GALNT18: variants seen among roughly 807,000 people sequenced by gnomAD.
The protein encoded by GALNT18 is GalNAc-transferase 18.
A neutral mutation model predicts 69.5 loss-of-function variants in GALNT18; 44 were observed. The ratio of observed to expected loss-of-function variants is 0.63; its 90% confidence interval spans 0.50 to 0.81. GALNT18 has a LOEUF of 0.81. Ranked by LOEUF, GALNT18 falls within the 40% of genes least tolerant of loss-of-function variation. The pLI, the probability that GALNT18 is intolerant of heterozygous loss-of-function variation, is 0.00. For synonymous variants in GALNT18, 364 were observed against 318.2 expected (o/e 1.14, Z -1.53); for missense variants, 715 against 810.0 (o/e 0.88, Z 1.42).
chr11:11,441,642 G>A (rs898376031), intron 2 of GALNT18, among the ~76,000 whole-genome samples: 5 of 152,186 alleles, frequency 3.3e-5, no homozygotes, highest in African/African-American at 4.8e-5. Context: ...AAATTAAATA[G>A]GAAAGTGTAT....
At chr11:11,530,353 T>C (rs1026258165) in intron 1 of GALNT18, among the ~76,000 whole-genome samples, 2 of 152,290 alleles carry the variant, frequency 1.3e-5, no homozygotes, top group Middle Eastern at 3.4e-3. Flanking sequence ...CGGGGCCCTG[T>C]CTCTGCCCCC....
rs764285689 is a variant in GALNT18 at position 11,340,943 on chromosome 11, C to T, written c.1154G>A (p.Arg385Gln). The change falls in exon 7 of 11, where the codon CGA becomes CAA. Residue 385 changes from arginine to glutamine, a missense_variant. Physicochemically the swap from Arg to Gln is conservative, Grantham distance 43. Coordinates refer to ENST00000227756, the MANE Select transcript of GALNT18 (RefSeq NM_198516.3). This position sits in a 1 kb window ranked among gnomAD's most constrained non-coding sequence, Gnocchi z 4.2. ...GTCCTCTGTGTAGGGCTTGTGGGCTCGCTCAATGTGGGCAATCCGTGAGCA... is the reference window on the plus strand; with the variant it reads ...GTCCTCTGTGTAGGGCTTGTGGGCTTGCTCAATGTGGGCAATCCGTGAGCA... Reference protein sequence around the residue: ...LPCSRIAHIERAHKPYTEDLT... With the variant: ...LPCSRIAHIEQAHKPYTEDLT... 2.3e-5 allele frequency: 37 copies of T among 1,612,920 alleles called. No homozygotes were observed. Among genetic ancestry groups the T allele is most frequent in the East Asian group, 4.5e-5 (2 of 44,794 alleles).
At chr11:11,384,425 A>T (rs973440596) in intron 3 of GALNT18, among the ~76,000 whole-genome samples, 2 of 152,138 alleles carry the variant, frequency 1.3e-5, no homozygotes, top group Admixed American at 1.3e-4. Flanking sequence ...CTCAAGTGGC[A>T]GCAGGGAGAA....
At chr11:11,303,522 G>A (rs181106043) in intron 9 of GALNT18, among the ~76,000 whole-genome samples, 30 of 152,112 alleles carry the variant, frequency 2.0e-4, no homozygotes, top group Non-Finnish European at 3.7e-4. Context: ...TATACCTGTG[G>A]CCATTATGTC....
intron 3 of GALNT18, among the ~76,000 whole-genome samples, chr11:11,406,125 T>A (rs1364430288): frequency 2.6e-5 from 4 of 152,218 alleles, no homozygotes; most frequent in African/African-American, 9.6e-5. Context: ...ACTTATATCA[T>A]CATCTTAATA....
At chr11:11,426,346 G>T (rs941596708) in intron 3 of GALNT18, among the ~76,000 whole-genome samples, 2 of 152,196 alleles carry the variant, frequency 1.3e-5, no homozygotes, top group South Asian at 2.1e-4. Flanking sequence ...AGCTCTGGGG[G>T]AGCTGAGGCG....
chr11:11,582,413 G>A lies in GALNT18; in HGVS notation c.235+38946C>T, dbSNP rs1215729537. On this transcript the variant is annotated intron_variant, in intron 1 of 10. Transcript: ENST00000227756. The surrounding 1 kb of genome is among the most constrained non-coding windows in gnomAD (Gnocchi z 5.0). ...CGTGGCTTGCAGTGCTATCCAGTGG[G>A]GGATTCTGTGTCCCATCCCACAGTG... is the stretch of plus-strand genomic sequence containing the variant. Among the ~76,000 whole-genome samples the A allele has an allele frequency of 6.6e-6, 1 of 152,242 alleles. No homozygotes were observed. Among genetic ancestry groups the A allele is most frequent in the African/African-American group, 2.4e-5 (1 of 41,458 alleles).
intron 9 of GALNT18, 56 bp from the exon 10 acceptor site, chr11:11,293,249 G>A: frequency 7.8e-7 from 1 of 1,287,224 alleles, no homozygotes; most frequent in Non-Finnish European, 1.0e-6. Context: ...ACGGAGACAG[G>A]AGCATAGGTG....
chr11:11,294,060 A>G (rs905583560), intron 9 of GALNT18, among the ~76,000 whole-genome samples: 3 of 152,182 alleles, frequency 2.0e-5, no homozygotes, highest in African/African-American at 4.8e-5. Flanking sequence ...ATGATTTTCT[A>G]TGGGGACTCA....
At position 11,606,327 on chromosome 11, in the gene GALNT18, G is replaced by A. The variant is rs942438682; in HGVS notation, c.235+15032C>T. Among the ~76,000 whole-genome samples the A allele has an allele frequency of 6.6e-6, 1 of 152,158 alleles. No homozygotes were observed. Among genetic ancestry groups the A allele is most frequent in the Non-Finnish European group, 1.5e-5 (1 of 68,044 alleles). On this transcript the variant is annotated intron_variant, in intron 1 of 10. Coordinates refer to ENST00000227756, the MANE Select transcript of GALNT18 (RefSeq NM_198516.3). This position sits in a 1 kb window ranked among gnomAD's most constrained non-coding sequence, Gnocchi z 5.4. Reference sequence around the variant, plus strand: ...AACCCACAGTCTAATGAGAAAAGCAGACTAATAATTACAGGACAGTATGAT... The same window carrying A: ...AACCCACAGTCTAATGAGAAAAGCAAACTAATAATTACAGGACAGTATGAT...
intron 9 of GALNT18, among the ~76,000 whole-genome samples, chr11:11,313,164 T>C (rs1260800521): frequency 1.3e-5 from 2 of 152,028 alleles, no homozygotes; most frequent in Non-Finnish European, 2.9e-5. Context: ...GGCCCTGGAA[T>C]GCTGAGATTA....
chr11:11,330,448 A>G (rs1175821914), intron 8 of GALNT18, among the ~76,000 whole-genome samples: 1 of 152,114 alleles, frequency 6.6e-6, no homozygotes, highest in African/African-American at 2.4e-5. Flanking sequence ...GCTCTTTGAC[A>G]AGCAGACGTG....
intron 1 of GALNT18, among the ~76,000 whole-genome samples, chr11:11,503,492 T>C (rs1406927548): frequency 2.0e-5 from 3 of 152,190 alleles, no homozygotes; most frequent in Non-Finnish European, 4.4e-5. Context: ...GCAGGGATGC[T>C]ACAGCCTGCA....
At chr11:11,290,156 C>G (rs373157398) in intron 10 of GALNT18, among the ~76,000 whole-genome samples, 1 of 152,166 alleles carries the variant, frequency 6.6e-6, no homozygotes, top group Non-Finnish European at 1.5e-5. Context: ...ACATTTCCAG[C>G]CCACACCACC....
intron 2 of GALNT18, among the ~76,000 whole-genome samples, chr11:11,440,921 C>A (rs1022066963): frequency 6.6e-6 from 1 of 152,270 alleles, no homozygotes; most frequent in East Asian, 1.9e-4. Flanking sequence ...AACTTGTTGG[C>A]GGTCACCCAG....
intron 3 of GALNT18, among the ~76,000 whole-genome samples, chr11:11,410,139 C>T (rs1854694571): frequency 1.3e-5 from 2 of 152,158 alleles, no homozygotes; most frequent in African/African-American, 4.8e-5. Context: ...TTTAATCTCC[C>T]AGCCTCTCCC....
chr11:11,316,461 A>G (rs1294499785), intron 9 of GALNT18, among the ~76,000 whole-genome samples: 4 of 152,164 alleles, frequency 2.6e-5, no homozygotes, highest in African/African-American at 4.8e-5. Flanking sequence ...TGGGGCCAAT[A>G]CCACACAGGG....
intron 10 of GALNT18, among the ~76,000 whole-genome samples, chr11:11,286,026 C>T (rs987296925): frequency 8.5e-5 from 13 of 152,276 alleles, no homozygotes; most frequent in African/African-American, 1.7e-4. Context: ...CTATCCGCAA[C>T]GTTCCCCACT....
At chr11:11,312,915 T>C (rs2133031401) in intron 9 of GALNT18, among the ~76,000 whole-genome samples, 1 of 152,244 alleles carries the variant, frequency 6.6e-6, no homozygotes. Flanking sequence ...GGCCTCTCCC[T>C]GGAGGAACTC....
Sources: allele counts gnomAD v4.1 joint callset (sites outside exome capture counted in the v4.1 genomes callset), GRCh38; gene constraint gnomAD v4.1.1; non-coding constraint Gnocchi (gnomAD v3.1); transcripts MANE v1.5; gene names NCBI Gene and HGNC (gene_info 2026-07-23, HGNC 2026-07-21).